Variants in IL1RAPL1 observed in about 807,000 individuals in gnomAD.
The protein encoded by IL1RAPL1 is interleukin-1 receptor accessory protein-like 1.
A neutral mutation model predicts 48.4 loss-of-function variants in IL1RAPL1; 3 were observed. The observed-to-expected ratio is 0.06, with a 90% CI of 0.03 to 0.16. IL1RAPL1 has a LOEUF of 0.16. Among genes scored for constraint, IL1RAPL1 ranks in the 10% least tolerant of loss-of-function variants. IL1RAPL1 has a pLI of 1.00. For synonymous variants in IL1RAPL1, 185 were observed against 187.7 expected (o/e 0.99, Z 0.12); for missense variants, 349 against 530.6 (o/e 0.66, Z 3.36).
chrX:29,897,326 A>G (rs1161680058), intron 6 of IL1RAPL1, among the ~76,000 whole-genome samples: 1 of 112,089 alleles, frequency 8.9e-6, no homozygotes, highest in African/African-American at 3.2e-5. Flanking sequence ...TTTTCAGGCA[A>G]TATTTTTATA....
chrX:29,391,285 G>A (rs1418971515), intron 3 of IL1RAPL1, among the ~76,000 whole-genome samples: 4 of 111,845 alleles, frequency 3.6e-5, no homozygotes, highest in Non-Finnish European at 7.5e-5. Context: ...GGGTGCTGCT[G>A]TACTGACTTC....
chrX:29,141,567 G>A (rs1929244409), intron 2 of IL1RAPL1, among the ~76,000 whole-genome samples: 1 of 111,477 alleles, frequency 9.0e-6, no homozygotes, highest in Non-Finnish European at 1.9e-5. Context: ...TTATGTAAAT[G>A]AGAAATAAAA....
At chrX:28,911,156 T>C (rs1210330199) in intron 2 of IL1RAPL1, among the ~76,000 whole-genome samples, 2 of 111,894 alleles carry the variant, frequency 1.8e-5, no homozygotes, top group African/African-American at 6.5e-5. Flanking sequence ...ATATTTCCAC[T>C]ATAGAGCAAG....
At chrX:29,251,899 A>G (rs190230640) in intron 2 of IL1RAPL1, among the ~76,000 whole-genome samples, 2 of 111,398 alleles carry the variant, frequency 1.8e-5, no homozygotes, top group African/African-American at 6.6e-5. Flanking sequence ...GATTAAGAAA[A>G]TGTGGCACAT....
chrX:29,593,196 C>T (rs1040663274), intron 5 of IL1RAPL1, among the ~76,000 whole-genome samples: 4 of 111,095 alleles, frequency 3.6e-5, no homozygotes, highest in African/African-American at 1.3e-4. Flanking sequence ...GTGTTCATTC[C>T]TCCCTCCTCC....
At chrX:29,923,089 A>G (rs899702865) in intron 8 of IL1RAPL1, among the ~76,000 whole-genome samples, 3 of 111,849 alleles carry the variant, frequency 2.7e-5, no homozygotes, top group Admixed American at 1.9e-4. Context: ...GAGCCCTCCA[A>G]TGGGTGGTAT....
chrX:28,841,842 T>C (rs1921381161), intron 2 of IL1RAPL1, among the ~76,000 whole-genome samples: 1 of 111,270 alleles, frequency 9.0e-6, no homozygotes, highest in Non-Finnish European at 1.9e-5. Context: ...TGGTCACATA[T>C]ATTTGACTTT....
At chrX:28,727,665 G>A (rs1473238726) in intron 1 of IL1RAPL1, among the ~76,000 whole-genome samples, 1 of 105,236 alleles carries the variant, frequency 9.5e-6, no homozygotes, top group East Asian at 3.0e-4. Context: ...GATATTGGCT[G>A]TGGGTTTGTC....
intron 6 of IL1RAPL1, among the ~76,000 whole-genome samples, chrX:29,750,218 A>G (rs770039634): frequency 8.0e-5 from 9 of 112,259 alleles, no homozygotes; most frequent in Non-Finnish European, 1.5e-4. Flanking sequence ...TGAAACATTA[A>G]GAGGCAGATG....
At chrX:29,494,504 C>A (rs1207988286) in intron 5 of IL1RAPL1, among the ~76,000 whole-genome samples, 1 of 111,376 alleles carries the variant, frequency 9.0e-6, no homozygotes, top group Admixed American at 9.5e-5. Context: ...TATATAGTTG[C>A]CTTTTGTGAG....
chrX:29,871,042 GA>G (rs1931789298), intron 6 of IL1RAPL1, among the ~76,000 whole-genome samples: 1 of 112,269 alleles, frequency 8.9e-6, no homozygotes, highest in African/African-American at 3.2e-5. Context: ...GAAGCTCTAG[GA>G]AGAGTCCATT....
At chrX:29,541,781 C>T (rs1024920863) in intron 5 of IL1RAPL1, among the ~76,000 whole-genome samples, 6 of 110,308 alleles carry the variant, frequency 5.4e-5, no homozygotes, top group Non-Finnish European at 9.5e-5. Context: ...CTGGGGACTA[C>T]TAAAGGATGG....
chrX:29,845,011 G>C (rs892525628), intron 6 of IL1RAPL1, among the ~76,000 whole-genome samples: 2 of 112,020 alleles, frequency 1.8e-5, no homozygotes, highest in African/African-American at 6.5e-5. Context: ...CCAGAAGCTA[G>C]GAGAGAGACA....
chrX:28,992,480 A>G (rs1925627455), intron 2 of IL1RAPL1, among the ~76,000 whole-genome samples: 1 of 95,212 alleles, frequency 1.1e-5, no homozygotes, highest in Admixed American at 1.2e-4. Flanking sequence ...ACAGAACGAG[A>G]CTCTGTCTCA....
intron 2 of IL1RAPL1, among the ~76,000 whole-genome samples, chrX:28,932,627 C>T (rs1246970132): frequency 1.8e-5 from 2 of 110,245 alleles, no homozygotes; most frequent in Non-Finnish European, 3.8e-5. Context: ...CTTCATGGGT[C>T]CCTTGAGAAA....
chrX:29,752,496 A>C (rs960930678), intron 6 of IL1RAPL1, among the ~76,000 whole-genome samples: 12 of 43,395 alleles, frequency 2.8e-4, no homozygotes, highest in African/African-American at 1.1e-3. Context: ...ACTTTGTCTC[A>C]AAAAAAAAAA....
intron 1 of IL1RAPL1, among the ~76,000 whole-genome samples, chrX:28,779,634 G>GTGTATATATATATA (rs1374982138): frequency 2.6e-5 from 1 of 38,343 alleles, no homozygotes; most frequent in Non-Finnish European, 4.5e-5. Context: ...GTGTGTGTGT[G>GTGTATATATATATA]TATATATATA....
At chrX:29,236,928 T>C (rs891969876) in intron 2 of IL1RAPL1, among the ~76,000 whole-genome samples, 1 of 109,679 alleles carries the variant, frequency 9.1e-6, no homozygotes, top group Non-Finnish European at 1.9e-5. Context: ...ATACCTTATA[T>C]ATCCCATATT....
chrX:29,712,892 T>G (rs963620445), intron 6 of IL1RAPL1, among the ~76,000 whole-genome samples: 1 of 112,125 alleles, frequency 8.9e-6, no homozygotes, highest in African/African-American at 3.2e-5. Context: ...ACAAATCAGT[T>G]TGAATACTTG....
Sources: allele counts gnomAD v4.1 joint callset (sites outside exome capture counted in the v4.1 genomes callset), GRCh38; gene constraint gnomAD v4.1.1; transcripts MANE v1.5; gene names NCBI Gene and HGNC (gene_info 2026-07-23, HGNC 2026-07-21).